SEMA3D: variants seen among roughly 807,000 people sequenced by gnomAD.
SEMA3D encodes semaphorin-3D.
SEMA3D carries 84 observed loss-of-function variants against 100.1 expected under a neutral mutation model. The observed-to-expected ratio is 0.84, with a 90% CI of 0.70 to 1.01. The LOEUF (loss-of-function observed/expected upper bound fraction) is 1.01. SEMA3D is among the 50% of genes least tolerant of loss of function. The pLI, the probability that SEMA3D is intolerant of heterozygous loss-of-function variation, is 0.00. For missense variants in SEMA3D, 875 were observed against 934.1 expected, an observed-to-expected ratio of 0.94 and a Z score of 0.82; for synonymous variants, 312 against 320.7, an observed-to-expected ratio of 0.97 and a Z score of 0.29.
chr7:85,183,993 T>C (rs539763665), intron 1 of SEMA3D, among the ~76,000 whole-genome samples: 2 of 152,288 alleles, frequency 1.3e-5, no homozygotes, highest in South Asian at 2.1e-4. Flanking sequence ...CTTTTTTTTT[T>C]CCTTTACGGA....
intron 1 of SEMA3D, among the ~76,000 whole-genome samples, chr7:85,177,485 G>A (rs986240042): frequency 2.6e-5 from 4 of 152,060 alleles, no homozygotes; most frequent in Non-Finnish European, 5.9e-5. Flanking sequence ...CAAGAATCTT[G>A]GAAGCATAAT....
chr7:85,093,160 A>G (rs1788447953), intron 4 of SEMA3D, among the ~76,000 whole-genome samples: 1 of 152,040 alleles, frequency 6.6e-6, no homozygotes, highest in South Asian at 2.1e-4. Context: ...TAAGTCAATT[A>G]ATTTTTAAAG....
the SEMA3D span, among the ~76,000 whole-genome samples, chr7:85,220,683 T>C: frequency 2.0e-5 from 3 of 152,080 alleles, no homozygotes; most frequent in Non-Finnish European, 4.4e-5. Context: ...TTATCAACTC[T>C]GAAAAAGACT....
At chr7:85,113,751 C>A (rs568412250) in intron 3 of SEMA3D, among the ~76,000 whole-genome samples, 4 of 144,106 alleles carry the variant, frequency 2.8e-5, no homozygotes, top group African/African-American at 1.0e-4. Flanking sequence ...AGCCTGGTGA[C>A]AGAGTGATAT....
At chr7:85,101,805 T>C (rs1220566546) in intron 3 of SEMA3D, among the ~76,000 whole-genome samples, 1 of 151,986 alleles carries the variant, frequency 6.6e-6, no homozygotes, top group Non-Finnish European at 1.5e-5. Flanking sequence ...ATAGGAAAAG[T>C]CAATAAATAT....
At chr7:85,223,429 GC>G in the SEMA3D span, among the ~76,000 whole-genome samples, 192 of 151,732 alleles carry the variant, frequency 1.3e-3, 3 homozygotes, top group Non-Finnish European at 4.6e-4. Context: ...ACTTGTACAG[GC>G]ATGTTTATAC....
upstream of SEMA3D, among the ~76,000 whole-genome samples, chr7:85,187,689 A>T (rs532224428): frequency 2.6e-5 from 4 of 152,336 alleles, no homozygotes; most frequent in East Asian, 7.7e-4. Context: ...TTAGAAGTAT[A>T]TAATGACGAG....
intron 5 of SEMA3D, among the ~76,000 whole-genome samples, chr7:85,080,312 T>C (rs1469090071): frequency 6.6e-6 from 1 of 152,158 alleles, no homozygotes; most frequent in Non-Finnish European, 1.5e-5. Flanking sequence ...TTTGAATAAA[T>C]GAATAACAAA....
chr7:85,043,818 TC>T (rs1192771135), intron 9 of SEMA3D, among the ~76,000 whole-genome samples: 3 of 152,118 alleles, frequency 2.0e-5, no homozygotes, highest in Admixed American at 2.0e-4. Context: ...CTCCTTGCCT[TC>T]CGCTATGAAT....
chr7:85,106,816 G>A (rs146423561), intron 3 of SEMA3D, among the ~76,000 whole-genome samples: 4 of 152,088 alleles, frequency 2.6e-5, no homozygotes, highest in Non-Finnish European at 5.9e-5. Context: ...TGCAAGCAGG[G>A]GAAATGCCAG....
intron 4 of SEMA3D, among the ~76,000 whole-genome samples, chr7:85,094,411 C>T (rs1320854639): frequency 6.6e-6 from 1 of 152,006 alleles, no homozygotes; most frequent in East Asian, 1.9e-4. Flanking sequence ...TATTATCACT[C>T]ACACTAGAAA....
intron 9 of SEMA3D, among the ~76,000 whole-genome samples, chr7:85,047,193 T>C (rs1012582837): frequency 1.3e-5 from 2 of 151,956 alleles, no homozygotes; most frequent in East Asian, 3.9e-4. Flanking sequence ...CAAACCACAA[T>C]TTGCAATCCT....
At chr7:85,002,663 C>T (rs1279156427) in intron 18 of SEMA3D, among the ~76,000 whole-genome samples, 1 of 152,240 alleles carries the variant, frequency 6.6e-6, no homozygotes, top group East Asian at 1.9e-4. Flanking sequence ...GAATTTTCTC[C>T]ACTCTAGAAG....
chr7:85,140,876 A>G (rs376436604), intron 2 of SEMA3D: 2 of 769,868 alleles, frequency 2.6e-6, no homozygotes, highest in East Asian at 1.3e-4. Context: ...ATACAAAAAG[A>G]AAATCAAAAC....
intron 4 of SEMA3D, among the ~76,000 whole-genome samples, chr7:85,092,876 A>C (rs1003584827): frequency 6.6e-6 from 1 of 152,096 alleles, no homozygotes; most frequent in African/African-American, 2.4e-5. Flanking sequence ...GAGGCAAATA[A>C]ACTCTTGTAC....
At chr7:85,248,578 G>A in the SEMA3D span, among the ~76,000 whole-genome samples, 1 of 152,082 alleles carries the variant, frequency 6.6e-6, no homozygotes, top group African/African-American at 2.4e-5. Context: ...CAACCAAGGT[G>A]TCCTTTAGTA....
the SEMA3D span, among the ~76,000 whole-genome samples, chr7:85,248,085 G>A: frequency 6.6e-6 from 1 of 151,968 alleles, no homozygotes; most frequent in Non-Finnish European, 1.5e-5. Flanking sequence ...AAAGACATAT[G>A]AGATACAGGA....
At chr7:85,176,495 G>C (rs773524825) in intron 1 of SEMA3D, among the ~76,000 whole-genome samples, 2 of 152,064 alleles carry the variant, frequency 1.3e-5, no homozygotes, top group Non-Finnish European at 2.9e-5. Context: ...TAAACTTTCA[G>C]CTGTTGCCCC....
intron 1 of SEMA3D, among the ~76,000 whole-genome samples, chr7:85,161,165 A>G (rs555684712): frequency 6.6e-6 from 1 of 152,320 alleles, no homozygotes; most frequent in Non-Finnish European, 1.5e-5. Flanking sequence ...TAAAAATTTT[A>G]GCTTTATCTT....
Sources: gnomAD v4.1 joint callset for allele counts (sites outside exome capture counted in the v4.1 genomes callset) on GRCh38, gnomAD v4.1.1 for gene constraint, MANE v1.5 for transcripts, NCBI Gene and HGNC (gene_info 2026-07-23, HGNC 2026-07-21) for gene names.